The following PURG variants were observed in gnomAD, a reference collection of about 807,000 sequenced individuals.
PURG encodes purine-rich element-binding protein gamma.
In PURG, 3 loss-of-function variants were observed where a neutral mutation model predicts 24.3. That is an observed-to-expected ratio of 0.12 (90% CI 0.06 to 0.32). PURG has a LOEUF of 0.32. Ranked by LOEUF, PURG falls within the 10% of genes least tolerant of loss-of-function variation. The probability of loss-of-function intolerance (pLI) is 1.00; values close to 1 mark genes in which losing one functional copy is unlikely to be tolerated. For synonymous variants in PURG, 180 were observed against 173.1 expected (o/e 1.04, Z -0.31); for missense variants, 371 against 439.1 (o/e 0.84, Z 1.39).
chr8:31,019,160 AATATATATATATATATAT>A (rs1304631928), intron 1 of PURG, among the ~76,000 whole-genome samples: 6 of 56,338 alleles, frequency 1.1e-4, no homozygotes, highest in African/African-American at 1.7e-4. Flanking sequence ...AAAAAAAAAA[AATATATATATATATATAT>A]ATATATATAT....
chr8:31,020,606 A>T (rs1054092042), intron 1 of PURG, among the ~76,000 whole-genome samples: 1 of 152,184 alleles, frequency 6.6e-6, no homozygotes, highest in African/African-American at 2.4e-5. Context: ...AATGAGAGGG[A>T]ATCAGAAAGG....
intron 1 of PURG, among the ~76,000 whole-genome samples, chr8:31,014,696 A>G (rs1472075538): frequency 6.6e-6 from 1 of 152,246 alleles, no homozygotes; most frequent in East Asian, 1.9e-4. Flanking sequence ...AAAACTTCCA[A>G]TCTACTACTT....
chr8:31,015,211 C>T (rs1810837445), intron 1 of PURG, among the ~76,000 whole-genome samples: 1 of 152,038 alleles, frequency 6.6e-6, no homozygotes, highest in African/African-American at 2.4e-5. Context: ...TTCAGTTTTG[C>T]AGGACAAAAA....
intron 1 of PURG, among the ~76,000 whole-genome samples, chr8:31,016,342 T>A (rs1175926626): frequency 1.3e-5 from 2 of 151,658 alleles, no homozygotes; most frequent in East Asian, 3.9e-4. Flanking sequence ...ATCGCACCAC[T>A]GCACCCCAGC....
chr8:31,000,088 A>G (rs1042136153), intron 1 of PURG, among the ~76,000 whole-genome samples: 2 of 152,120 alleles, frequency 1.3e-5, no homozygotes, highest in African/African-American at 2.4e-5. Flanking sequence ...AATTTTGAAA[A>G]CAGTATTAAA....
intron 1 of PURG, among the ~76,000 whole-genome samples, chr8:31,002,166 T>C (rs954914139): frequency 6.6e-6 from 1 of 152,190 alleles, no homozygotes; most frequent in Non-Finnish European, 1.5e-5. Flanking sequence ...CTACTAGTTC[T>C]TCATTGTTTT....
intron 1 of PURG, among the ~76,000 whole-genome samples, chr8:31,018,064 A>T (rs943891490): frequency 5.9e-5 from 9 of 152,198 alleles, no homozygotes; most frequent in African/African-American, 2.2e-4. Flanking sequence ...GAAGATTATA[A>T]AAGGTAGACT....
At chr8:31,011,088 A>G (rs1337686883) in intron 1 of PURG, among the ~76,000 whole-genome samples, 1 of 152,238 alleles carries the variant, frequency 6.6e-6, no homozygotes, top group Non-Finnish European at 1.5e-5. Flanking sequence ...CATAGCTGAG[A>G]ACACTGATGG....
rs1423386769 is a variant in PURG at position 31,031,871 on chromosome 8, G to C, written c.912C>G (p.Phe304Leu). ...TCTCCCCAAACCTTGTCCAAGCTTTGAATGGAACAGTAATAGTATTACGGT... is the reference window on the plus strand; with the variant it reads ...TCTCCCCAAACCTTGTCCAAGCTTTCAATGGAACAGTAATAGTATTACGGT... ...PPYRNTITVP[F>L]KAWTRFGENF... The change falls in exon 2 of 2, where the codon TTC becomes TTG. Residue 304 changes from phenylalanine to leucine, a missense_variant. By Grantham distance (22) the Phe-to-Leu change is conservative. This residue lies in a region of PURG where 103 missense variants were observed against 127.7 expected (regional missense o/e 0.81). Coordinates refer to ENST00000523392, the MANE Select transcript of PURG (RefSeq NM_001323311.2). 3 of 1,612,798 alleles carry C rather than the reference G, an allele frequency of 1.9e-6. No individual in the cohort carries two copies. In the South Asian group the frequency reaches 3.3e-5, roughly 18 times the overall value.
At position 30,996,515 on chromosome 8, in the gene PURG, T is replaced by C; in HGVS notation, c.*78A>G. On this transcript the variant is annotated 3_prime_UTR_variant, in exon 2 of 2. Transcript: ENST00000339382. ...TGGAGGAATGTCAAGTACTGAGGCC[T>C]TACATTCATGATGAACTTCAGTTCA... 3 of 1,082,890 alleles carry C rather than the reference T, an allele frequency of 2.8e-6. No homozygotes were observed. The South Asian group carries it at 4.2e-5, about 15-fold the overall frequency. The allele number at this position is 1,082,890 out of a possible 1,614,324, so 67.1% of individuals were successfully genotyped here.
chr8:31,021,820 A>G (rs1302450571), intron 1 of PURG, among the ~76,000 whole-genome samples: 1 of 152,172 alleles, frequency 6.6e-6, no homozygotes, highest in Middle Eastern at 3.2e-3. Flanking sequence ...TAGTAGCTAT[A>G]AGGGGCCCAG....
intron 1 of PURG, among the ~76,000 whole-genome samples, chr8:31,023,086 A>T (rs1057200750): frequency 6.6e-6 from 1 of 152,234 alleles, no homozygotes; most frequent in African/African-American, 2.4e-5. Flanking sequence ...TCCCACTTAG[A>T]TTTCAAACAC....
chr8:31,017,888 A>G (rs111726931), intron 1 of PURG, among the ~76,000 whole-genome samples: 1,908 of 152,312 alleles, frequency 0.013, 38 homozygotes, highest in African/African-American at 0.043. Context: ...TGAATTTTAT[A>G]AAGAAAAAAT....
At chr8:31,001,325 T>G (rs867912571) in intron 1 of PURG, among the ~76,000 whole-genome samples, 1 of 152,252 alleles carries the variant, frequency 6.6e-6, no homozygotes, top group Non-Finnish European at 1.5e-5. Flanking sequence ...TTTAATATTG[T>G]TTTCTTTCAT....
Position 31,013,469 on chromosome 8 carries a change from G to A in PURG, c.865-16772C>T, listed in dbSNP as rs149635734. Among the ~76,000 whole-genome samples the A allele has an allele frequency of 6.0e-3, 909 of 152,284 alleles. 5 individuals carry two copies. Among genetic ancestry groups the A allele is most frequent in the Non-Finnish European group, 7.6e-3 (516 of 68,026 alleles). On this transcript the variant is annotated intron_variant, in intron 1 of 1. Coordinates refer to the PURG transcript ENST00000339382. ...ATAAAGGTTCCTGGCCGGGCGCGGC[G>A]GCTCATGCCTGTAATCCCAGCACTT...
At chr8:31,012,830 A>G (rs903395522) in intron 1 of PURG, among the ~76,000 whole-genome samples, 12 of 152,238 alleles carry the variant, frequency 7.9e-5, no homozygotes, top group East Asian at 5.8e-4. Context: ...GACTGCAAGG[A>G]TTTTTTAAAA....
chr8:31,020,768 T>G (rs1416716167), intron 1 of PURG, among the ~76,000 whole-genome samples: 1 of 152,074 alleles, frequency 6.6e-6, no homozygotes, highest in African/African-American at 2.4e-5. Context: ...TTTGACCGAG[T>G]TTTTCCATCA....
intron 1 of PURG, among the ~76,000 whole-genome samples, chr8:31,023,507 TG>T (rs1402380393): frequency 4.6e-5 from 7 of 151,220 alleles, no homozygotes; most frequent in African/African-American, 1.7e-4. Context: ...CATGCTTCTC[TG>T]CATTCCAGCC....
At chr8:31,026,958 C>A, downstream of PURG, among the ~76,000 whole-genome samples, 1 of 151,364 alleles carries the variant, frequency 6.6e-6, no homozygotes, top group Non-Finnish European at 1.5e-5. Flanking sequence ...ATTTTCTTTA[C>A]GACAGAGTTA....
Sources: gnomAD v4.1 joint callset for allele counts (sites outside exome capture counted in the v4.1 genomes callset) on GRCh38, gnomAD v4.1.1 for gene constraint, gnomAD v4.1.1 regional missense constraint, MANE v1.5 for transcripts, NCBI Gene and HGNC (gene_info 2026-07-23, HGNC 2026-07-21) for gene names.